CACNA1B: variants seen among roughly 807,000 people sequenced by gnomAD.
CACNA1B encodes calcium voltage-gated channel subunit alpha1 B, also known as voltage-dependent N-type calcium channel subunit alpha-1B.
In CACNA1B, 70 loss-of-function variants were observed where a neutral mutation model predicts 247.2. The ratio of observed to expected loss-of-function variants is 0.28; its 90% confidence interval spans 0.23 to 0.35. The LOEUF is 0.35. Ranked by LOEUF, CACNA1B falls within the 10% of genes least tolerant of loss-of-function variation. The probability of loss-of-function intolerance (pLI) is 1.00; values close to 1 mark genes in which losing one functional copy is unlikely to be tolerated. For missense variants in CACNA1B, 2,367 were observed against 3,197.4 expected, an observed-to-expected ratio of 0.74 and a Z score of 6.26; for synonymous variants, 1,231 against 1,294.4, an observed-to-expected ratio of 0.95 and a Z score of 1.05.
intron 10 of CACNA1B, among the ~76,000 whole-genome samples, chr9:137,960,240 G>A (rs1249556592): frequency 6.8e-6 from 1 of 147,072 alleles, no homozygotes; most frequent in Non-Finnish European, 1.5e-5. Flanking sequence ...AGCCGGGAGA[G>A]GGGAGTTAGG....
chr9:137,975,855 C>A, intron 11 of CACNA1B, 52 bp from the exon 12 acceptor site: 1 of 1,121,576 alleles, frequency 8.9e-7, no homozygotes, highest in Non-Finnish European at 1.3e-6. Flanking sequence ...GGGCTGGAGC[C>A]AGAGTGGGAG....
At position 137,913,098 on chromosome 9, in the gene CACNA1B, A is replaced by G; in HGVS notation, c.531-82A>G. On this transcript the variant is annotated intron_variant, in intron 3 of 46. Coordinates refer to ENST00000371372, the MANE Select transcript of CACNA1B (RefSeq NM_000718.4). The surrounding 1 kb of genome is among the most constrained non-coding windows in gnomAD (Gnocchi z 5.2). Reference sequence around the variant, plus strand: ...GGTGTCACTGCTCTTGGGAGACATGACCCTGGTGGTGGGAGGAGTGTGTCC... The same window carrying G: ...GGTGTCACTGCTCTTGGGAGACATGGCCCTGGTGGTGGGAGGAGTGTGTCC... 1 of 1,064,010 alleles carries G rather than the reference A, an allele frequency of 9.4e-7. No individual in the cohort carries two copies. Among genetic ancestry groups the G allele is most frequent in the South Asian group, 1.4e-5 (1 of 72,494 alleles). 65.9% of individuals were successfully genotyped at this position (1,064,010 alleles called of 1,614,324 possible). A position where few individuals can be genotyped will look rare whatever the true frequency, so the allele number is the denominator to read the frequency against.
chr9:137,984,843 A>G (rs556098592), intron 13 of CACNA1B, among the ~76,000 whole-genome samples: 1 of 152,364 alleles, frequency 6.6e-6, no homozygotes, highest in African/African-American at 2.4e-5. Context: ...TTTGCCTACA[A>G]AGAGACTGAA....
Position 137,880,843 on chromosome 9 carries a change from C to T in CACNA1B, c.390+1684C>T, listed in dbSNP as rs1367351070. Among the ~76,000 whole-genome samples the T allele has an allele frequency of 2.6e-5, 4 of 152,128 alleles. No individual in the cohort carries two copies. Among genetic ancestry groups the T allele is most frequent in the African/African-American group, 9.7e-5 (4 of 41,436 alleles). On this transcript the variant is annotated intron_variant, in intron 2 of 46. Coordinates refer to ENST00000371372, the MANE Select transcript of CACNA1B (RefSeq NM_000718.4). The surrounding 1 kb of genome is among the most constrained non-coding windows in gnomAD (Gnocchi z 4.8). ...GCAGGGGCAGCCCCTCAGTTGTCTC[C>T]CAGCCTGGCCCTGGGCGAGGCCTCC...
intron 16 of CACNA1B, 79 bp downstream of exon 16, chr9:138,006,963 C>A: frequency 1.3e-6 from 1 of 746,102 alleles, no homozygotes; most frequent in Non-Finnish European, 2.4e-6. Context: ...GCGGATCCCT[C>A]CAGGAGGACT....
At chr9:137,970,744 G>A (rs556340720) in intron 10 of CACNA1B, among the ~76,000 whole-genome samples, 2 of 152,322 alleles carry the variant, frequency 1.3e-5, no homozygotes, top group South Asian at 4.1e-4. Context: ...CAGCAGGACT[G>A]GTGTGCGTGG....
chr9:137,917,982 G>A lies in CACNA1B; in HGVS notation c.966+551G>A, dbSNP rs543411826. ...TGGGCCTCCCGTCCCCAGGCTGCCC[G>A]GCGAAGGTGGTGAACCGCGGAGCAG... On this transcript the variant is annotated intron_variant, in intron 6 of 46. Transcript: ENST00000371372. This position sits in a 1 kb window ranked among gnomAD's most constrained non-coding sequence, Gnocchi z 5.5. Among the ~76,000 whole-genome samples, 36 of 152,344 alleles carry A rather than the reference G, an allele frequency of 2.4e-4. No individual in the cohort carries two copies. The highest frequency in any genetic ancestry group is 4.6e-4 in the Non-Finnish European group (31 of 68,016).
intron 31 of CACNA1B, among the ~76,000 whole-genome samples, chr9:138,066,246 T>G (rs1458016999): frequency 1.3e-5 from 2 of 152,202 alleles, no homozygotes; most frequent in African/African-American, 4.8e-5. Context: ...GGGCTCCACC[T>G]GCAAAGCAGG....
chr9:138,081,107 G>C (rs1387807972), intron 36 of CACNA1B, among the ~76,000 whole-genome samples: 2 of 152,196 alleles, frequency 1.3e-5, no homozygotes, highest in African/African-American at 4.8e-5. Context: ...GTAAGAACCA[G>C]CACACCTGTG....
At chr9:137,968,626 T>C (rs1342159035) in intron 10 of CACNA1B, among the ~76,000 whole-genome samples, 1 of 152,234 alleles carries the variant, frequency 6.6e-6, no homozygotes, top group Non-Finnish European at 1.5e-5. Flanking sequence ...CACTGTCCTC[T>C]AGAAGGGTTA....
chr9:137,919,599 CT>C lies in CACNA1B; in HGVS notation c.966+2169del, dbSNP rs1957454321. Among the ~76,000 whole-genome samples the C allele has an allele frequency of 6.6e-6, 1 of 152,250 alleles. No homozygotes were observed. The highest frequency in any genetic ancestry group is 2.4e-5 in the African/African-American group (1 of 41,474). On this transcript the variant is annotated intron_variant, in intron 6 of 46. Transcript: ENST00000371372. This position sits in a 1 kb window ranked among gnomAD's most constrained non-coding sequence, Gnocchi z 4.6. Reference sequence around the variant, plus strand: ...CTTTGGAGAGAGCGAGAGCCCGCCCCTCACCTCCAACCCAGTGAGAGGGACT... The same window carrying C: ...CTTTGGAGAGAGCGAGAGCCCGCCCCCACCTCCAACCCAGTGAGAGGGACT...
chr9:138,049,276 T>C lies in CACNA1B; in HGVS notation c.3671T>C (p.Phe1224Ser). 1.2e-6 allele frequency: 2 copies of C among 1,613,582 alleles called. No individual in the cohort carries two copies. The highest frequency in any genetic ancestry group is 1.7e-6 in the Non-Finnish European group (2 of 1,179,474). Residue 1224 changes from phenylalanine to serine, a missense_variant, in exon 24 of 47, where the codon TTC (phenylalanine) becomes TCC (serine). Around this residue, in one of 12 missense-constraint regions of CACNA1B, gnomAD observed 436 missense variants for 679.5 expected, o/e 0.64. Coordinates refer to ENST00000371372, the MANE Select transcript of CACNA1B (RefSeq NM_000718.4). ...CGGGACTTGTGGAACATTCTGGACT[T>C]CATTGTGGTCAGTGGCGCCCTGGTG... ...YFRDLWNILD[F>S]IVVSGALVAF...
chr9:137,946,672 A>G (rs1275381258), intron 6 of CACNA1B, among the ~76,000 whole-genome samples: 2 of 151,856 alleles, frequency 1.3e-5, no homozygotes, highest in Non-Finnish European at 2.9e-5. Flanking sequence ...GTGCTTCCAT[A>G]TGGATACCTT....
rs1326719522 is a variant in CACNA1B, at chr9:138,023,944, G to A, written c.3068+133G>A. 2.3e-5 allele frequency: 14 copies of A among 599,822 alleles called. No homozygotes were observed. In the East Asian group the frequency reaches 4.4e-4, roughly 19 times the overall value. The allele number at this position is 599,822 out of a possible 1,614,324, so 37.2% of individuals were successfully genotyped here. A position where few individuals can be genotyped will look rare whatever the true frequency, so the allele number is the denominator to read the frequency against. On this transcript the variant is annotated intron_variant, in intron 19 of 46. Transcript: ENST00000371372. ...CCACGCTGCCATGTCCAGAGCCGTCGGGGCTGGGGTCTCTGCATGCCGTTC... is the reference window on the plus strand; with the variant it reads ...CCACGCTGCCATGTCCAGAGCCGTCAGGGCTGGGGTCTCTGCATGCCGTTC...
Position 138,057,744 on chromosome 9 carries a change from G to A in CACNA1B, c.3981G>A (p.Leu1327=). The change falls in exon 27 of 47, where the codon TTG becomes TTA. Residue 1327 remains leucine, a synonymous_variant. Coordinates refer to ENST00000371372, the MANE Select transcript of CACNA1B (RefSeq NM_000718.4). The surrounding 1 kb of genome is among the most constrained non-coding windows in gnomAD (Gnocchi z 4.0). ...ELERDCRGQY[L]DYEKEEVEAQ... is the part of the protein sequence containing the mutation. Reference sequence around the variant, plus strand: ...TTCTCATTCCTAGGGGTCAGTATTTGGATTATGAGAAGGAGGAAGTGGAAG... The same window carrying A: ...TTCTCATTCCTAGGGGTCAGTATTTAGATTATGAGAAGGAGGAAGTGGAAG... 4.3e-6 allele frequency: 7 copies of A among 1,612,188 alleles called. No homozygotes were observed. The highest frequency in any genetic ancestry group is 5.9e-6 in the Non-Finnish European group (7 of 1,178,758).
chr9:138,117,838 C>T (rs957269597), intron 42 of CACNA1B, 108 bp from the exon 43 acceptor site: 1 of 848,222 alleles, frequency 1.2e-6, no homozygotes, highest in Non-Finnish European at 1.8e-6. Context: ...AACCCCCTGA[C>T]CTCTGCTGCA....
intron 3 of CACNA1B, among the ~76,000 whole-genome samples, chr9:137,907,341 A>G (rs958674160): frequency 6.6e-6 from 1 of 152,156 alleles, no homozygotes; most frequent in Admixed American, 6.5e-5. Flanking sequence ...CTTTCTTACT[A>G]TTACAAACAG....
chr9:138,052,185 C>A lies in CACNA1B; in HGVS notation c.3804C>A (p.Leu1268=). The part of the protein sequence containing the change: ...PLKTIKRLPK[L]KAVFDCVVNS... ...AGACCATCAAACGGCTGCCCAAGCT[C>A]AAGGTTAGAGCCTGGAGTTGGGGCT... is the stretch of plus-strand genomic sequence containing the variant. The change falls in exon 25 of 47, where the codon CTC becomes CTA. Residue 1268 remains leucine, a synonymous_variant. Coordinates refer to ENST00000371372, the MANE Select transcript of CACNA1B (RefSeq NM_000718.4). The surrounding 1 kb of genome is among the most constrained non-coding windows in gnomAD (Gnocchi z 5.1). 2 of 1,598,336 alleles carry A rather than the reference C, an allele frequency of 1.3e-6. No individual in the cohort carries two copies.
intron 3 of CACNA1B, among the ~76,000 whole-genome samples, chr9:137,907,277 T>G (rs1957309978): frequency 6.6e-6 from 1 of 152,268 alleles, no homozygotes; most frequent in African/African-American, 2.4e-5. Context: ...TTCCATTGTG[T>G]GCATTTGCCA....
Sources: allele counts gnomAD v4.1 joint callset (sites outside exome capture counted in the v4.1 genomes callset), GRCh38; gene constraint gnomAD v4.1.1; regional missense constraint gnomAD v4.1.1; non-coding constraint Gnocchi (gnomAD v3.1); transcripts MANE v1.5; gene names NCBI Gene and HGNC (gene_info 2026-07-23, HGNC 2026-07-21).